Variants in SV2B observed in about 807,000 individuals in gnomAD.
The protein encoded by SV2B is solute carrier family 22 member B2.
A neutral mutation model predicts 73.9 loss-of-function variants in SV2B; 41 were observed. The observed-to-expected ratio is 0.56, with a 90% CI of 0.43 to 0.72. The LOEUF is 0.72. Among genes scored for constraint, SV2B ranks in the 30% least tolerant of loss-of-function variants. The pLI, the probability that SV2B is intolerant of heterozygous loss-of-function variation, is 0.00. For synonymous variants in SV2B, 314 were observed against 314.2 expected, an observed-to-expected ratio of 1.00 and a Z score of 0.01; for missense variants, 764 against 857.8, an observed-to-expected ratio of 0.89 and a Z score of 1.37.
intron 1 of SV2B, among the ~76,000 whole-genome samples, chr15:91,182,129 A>G (rs138092379): frequency 5.2e-4 from 79 of 152,306 alleles, no homozygotes; most frequent in African/African-American, 1.8e-3. Context: ...TAGCACTTCA[A>G]AATAAATGCA....
chr15:91,172,817 C>T (rs918902742), intron 1 of SV2B, among the ~76,000 whole-genome samples: 16 of 152,060 alleles, frequency 1.1e-4, no homozygotes, highest in South Asian at 1.0e-3. Context: ...AATTAATATA[C>T]GTAAAGTACT....
rs2042015808 is a variant in SV2B, at chr15:91,110,828, T to A, written c.-392+10465T>A. 6.6e-6 allele frequency among the ~76,000 whole-genome samples: 1 copy of A among 152,186 alleles called. No individual in the cohort carries two copies. The highest frequency in any genetic ancestry group is 2.4e-5 in the African/African-American group (1 of 41,438). ...CCAGTGTAAGGGTCTGTGAATTAAA[T>A]GCAGCCACTTTAATTTTTGTTTTTT... On this transcript the variant is annotated intron_variant, in intron 1 of 12. Coordinates refer to ENST00000394232, the MANE Select transcript of SV2B (RefSeq NM_001323032.3). This position sits in a 1 kb window ranked among gnomAD's most constrained non-coding sequence, Gnocchi z 5.4.
At chr15:91,142,289 T>C (rs17594278) in intron 1 of SV2B, among the ~76,000 whole-genome samples, 48,973 of 152,002 alleles carry the variant, frequency 0.32, 8,462 homozygotes, top group Non-Finnish European at 0.38. Flanking sequence ...CCTCTTTTGC[T>C]ACCTTTTCAC....
intron 1 of SV2B, among the ~76,000 whole-genome samples, chr15:91,149,503 C>G (rs978152499): frequency 6.6e-6 from 1 of 152,180 alleles, no homozygotes; most frequent in African/African-American, 2.4e-5. Context: ...TTTCTGTGGG[C>G]ACAACCTACC....
intron 4 of SV2B, among the ~76,000 whole-genome samples, chr15:91,256,228 A>AT (rs1325016088): frequency 1.3e-5 from 2 of 152,192 alleles, no homozygotes; most frequent in Non-Finnish European, 2.9e-5. Context: ...CTTCCTCCAA[A>AT]TTAATATTGT....
rs1423674345 is a variant in SV2B, at chr15:91,301,285, TATAA to T, written c.*8736_*8739del. The T allele has an allele frequency of 6.6e-6, 1 of 152,258 alleles. No homozygotes were observed. Among genetic ancestry groups the T allele is most frequent in the Admixed American group, 6.5e-5 (1 of 15,286 alleles). 9.4% of individuals were successfully genotyped at this position (152,258 alleles called of 1,614,324 possible). A position where few individuals can be genotyped will look rare whatever the true frequency, so the allele number is the denominator to read the frequency against. On this transcript the variant is annotated 3_prime_UTR_variant, in exon 13 of 13. Transcript: ENST00000394232. This position sits in a 1 kb window ranked among gnomAD's most constrained non-coding sequence, Gnocchi z 4.3. ...AGCTTCTGAATTATTAAACTGATGC[TATAA>T]ATGTGAACTGACAAAACCCACTTTT...
intron 1 of SV2B, among the ~76,000 whole-genome samples, chr15:91,162,576 G>C (rs1375960753): frequency 6.6e-6 from 1 of 152,128 alleles, no homozygotes; most frequent in African/African-American, 2.4e-5. Context: ...CATGGAAGTG[G>C]ACTGGATTCT....
chr15:91,276,974 C>T (rs2141733992), intron 9 of SV2B, among the ~76,000 whole-genome samples: 1 of 152,152 alleles, frequency 6.6e-6, no homozygotes, highest in East Asian at 1.9e-4. Flanking sequence ...GCATGCAACA[C>T]CACACCTGGC....
chr15:91,252,869 C>G lies in SV2B; in HGVS notation c.784+349C>G, dbSNP rs567616235. ...CCTGAGCAACTTGGGCTTTGGTAAC[C>G]TGATTTAATAGATGACAGGTATGTG... is the stretch of plus-strand genomic sequence containing the variant. On this transcript the variant is annotated intron_variant, in intron 4 of 12. Transcript: ENST00000394232. The surrounding 1 kb of genome is among the most constrained non-coding windows in gnomAD (Gnocchi z 4.6). Among the ~76,000 whole-genome samples the G allele has an allele frequency of 2.6e-5, 4 of 152,110 alleles. No individual in the cohort carries two copies. In the East Asian group the frequency reaches 7.7e-4, roughly 29 times the overall value.
intron 2 of SV2B, among the ~76,000 whole-genome samples, chr15:91,237,932 A>G (rs1388606089): frequency 6.6e-6 from 1 of 152,206 alleles, no homozygotes; most frequent in African/African-American, 2.4e-5. Context: ...CTGTGAGATG[A>G]GTAGAGTGAT....
intron 1 of SV2B, among the ~76,000 whole-genome samples, chr15:91,203,348 C>G (rs1470362698): frequency 6.6e-6 from 1 of 152,198 alleles, no homozygotes; most frequent in Non-Finnish European, 1.5e-5. Flanking sequence ...CAGTCGAGGT[C>G]AGCAGGCATG....
chr15:91,191,400 A>G (rs897883773), intron 1 of SV2B, among the ~76,000 whole-genome samples: 1 of 151,962 alleles, frequency 6.6e-6, no homozygotes, highest in East Asian at 1.9e-4. Flanking sequence ...ACCCTGATAC[A>G]TCATCAAGTT....
At chr15:91,196,099 A>G (rs1229983362) in intron 1 of SV2B, among the ~76,000 whole-genome samples, 2 of 152,220 alleles carry the variant, frequency 1.3e-5, no homozygotes, top group African/African-American at 4.8e-5. Context: ...GTCTTCTTTC[A>G]AAAATAAATC....
Position 91,226,449 on chromosome 15 carries a change from G to C in SV2B, c.186G>C (p.Lys62Asn). The change falls in exon 2 of 13, where the codon AAG becomes AAC. Residue 62 changes from lysine (K) to asparagine (N), a missense_variant. Physicochemically the swap from Lys to Asn is moderately conservative, Grantham distance 94 (BLOSUM62 0). Transcript: ENST00000394232. The stretch of plus-strand genomic sequence containing the variant: ...CTCACCCAGATGATGTCAAGGCCAA[G>C]CAGGCCAAGATGGCGCCCTCCAGAA... The part of the protein sequence containing the change: ...GIPHPDDVKA[K>N]QAKMAPSRMD... 6.2e-7 allele frequency: 1 copy of C among 1,614,202 alleles called. No individual in the cohort carries two copies.
intron 1 of SV2B, among the ~76,000 whole-genome samples, chr15:91,172,539 C>T (rs555587747): frequency 2.6e-5 from 4 of 152,304 alleles, no homozygotes; most frequent in Non-Finnish European, 4.4e-5. Context: ...GAGGGAGGCA[C>T]GAAAGAGGAG....
intron 1 of SV2B, among the ~76,000 whole-genome samples, chr15:91,153,108 G>C (rs2141223377): frequency 6.6e-6 from 1 of 152,226 alleles, no homozygotes; most frequent in East Asian, 1.9e-4. Flanking sequence ...GTCCTTATAT[G>C]GCAGGGGAGA....
At position 91,106,489 on chromosome 15, in the gene SV2B, A is replaced by C. The variant is rs1021329446; in HGVS notation, c.-392+6126A>C. ...AAATCTTTGCTTTGGTGGATTTTGA[A>C]GTGTAACTCCTTGAAGTTATTTCCT... On this transcript the variant is annotated intron_variant, in intron 1 of 12. Coordinates refer to ENST00000394232, the MANE Select transcript of SV2B (RefSeq NM_001323032.3). The surrounding 1 kb of genome is among the most constrained non-coding windows in gnomAD (Gnocchi z 4.4). Among the ~76,000 whole-genome samples, 2 of 151,874 alleles carry C rather than the reference A, an allele frequency of 1.3e-5. No homozygotes were observed. The highest frequency in any genetic ancestry group is 2.4e-5 in the African/African-American group (1 of 41,288).
chr15:91,198,707 C>G (rs553733078), intron 1 of SV2B, among the ~76,000 whole-genome samples: 2 of 152,328 alleles, frequency 1.3e-5, no homozygotes, highest in African/African-American at 4.8e-5. Context: ...CTAGACGATA[C>G]GGAGAAAGCA....
At chr15:91,205,142 A>G (rs1235098850) in intron 1 of SV2B, among the ~76,000 whole-genome samples, 1 of 152,182 alleles carries the variant, frequency 6.6e-6, no homozygotes, top group Non-Finnish European at 1.5e-5. Context: ...TCTTCTAGAA[A>G]GCTTTGTTGA....
Sources: gnomAD v4.1 joint callset for allele counts (sites outside exome capture counted in the v4.1 genomes callset) on GRCh38, gnomAD v4.1.1 for gene constraint, Gnocchi (gnomAD v3.1) non-coding constraint, MANE v1.5 for transcripts, NCBI Gene and HGNC (gene_info 2026-07-23, HGNC 2026-07-21) for gene names.